Variants in RBPMS observed in about 807,000 individuals in gnomAD.
RBPMS encodes RNA-binding protein with multiple splicing.
A neutral mutation model predicts 26.8 loss-of-function variants in RBPMS; 7 were observed. The ratio of observed to expected loss-of-function variants is 0.26; its 90% CI spans 0.15 to 0.49. RBPMS has a LOEUF of 0.49. RBPMS is among the 20% of genes least tolerant of loss of function. The pLI, the probability that RBPMS is intolerant of heterozygous loss-of-function variation, is 0.98. For synonymous variants in RBPMS, 96 were observed against 93.3 expected, an observed-to-expected ratio of 1.03 and a Z score of -0.17; for missense variants, 186 against 250.0, an observed-to-expected ratio of 0.74 and a Z score of 1.73.
Position 30,560,535 on chromosome 8 carries a change from T to C in RBPMS, c.*7+1579T>C, listed in dbSNP as rs375351674. Reference sequence around the variant, plus strand: ...GGACATCAGCATCAGGAAGCTAAAATTGTATCTACTCTTCCTCTAACCCAA... The same window carrying C: ...GGACATCAGCATCAGGAAGCTAAAACTGTATCTACTCTTCCTCTAACCCAA... On this transcript the variant is annotated intron_variant, in intron 7 of 8. Coordinates refer to ENST00000397323, the MANE Select transcript of RBPMS (RefSeq NM_001008710.3). Among the ~76,000 whole-genome samples the C allele has an allele frequency of 4.6e-5, 7 of 152,296 alleles. No individual in the cohort carries two copies. In the East Asian group the frequency reaches 5.8e-4, roughly 13 times the overall value.
chr8:30,503,780 A>G (rs1820808092), intron 4 of RBPMS, among the ~76,000 whole-genome samples: 1 of 152,066 alleles, frequency 6.6e-6, no homozygotes, highest in South Asian at 2.1e-4. Context: ...CTCTCTTGGG[A>G]TATCTTTTTG....
intron 1 of RBPMS, among the ~76,000 whole-genome samples, chr8:30,388,542 G>T: frequency 1.7e-5 from 1 of 58,196 alleles, no homozygotes; most frequent in Admixed American, 1.8e-4. Flanking sequence ...TATAGCTATA[G>T]CTATAAGCTA....
At chr8:30,447,455 C>G (rs922903754) in intron 1 of RBPMS, among the ~76,000 whole-genome samples, 4 of 152,140 alleles carry the variant, frequency 2.6e-5, no homozygotes, top group Non-Finnish European at 5.9e-5. Flanking sequence ...ATTTTGGATA[C>G]TCATCATTAT....
chr8:30,408,181 T>C (rs138033450), intron 1 of RBPMS, among the ~76,000 whole-genome samples: 17 of 152,270 alleles, frequency 1.1e-4, no homozygotes, highest in African/African-American at 2.9e-4. Flanking sequence ...CAGAACCTCA[T>C]TGGACTCTCC....
At chr8:30,460,881 C>T (rs1471662930) in intron 1 of RBPMS, among the ~76,000 whole-genome samples, 1 of 152,002 alleles carries the variant, frequency 6.6e-6, no homozygotes, top group Non-Finnish European at 1.5e-5. Context: ...TTTTGTATTT[C>T]TCTACCAAAA....
chr8:30,478,477 C>T (rs1305862814), intron 3 of RBPMS, among the ~76,000 whole-genome samples: 1 of 151,592 alleles, frequency 6.6e-6, no homozygotes, highest in Non-Finnish European at 1.5e-5. Context: ...TGTATTTACT[C>T]AGAACAGCCT....
chr8:30,558,847 G>A lies in RBPMS; in HGVS notation c.529-40G>A. 2.6e-6 allele frequency: 4 copies of A among 1,557,640 alleles called. No individual in the cohort carries two copies. In the South Asian group the frequency reaches 4.4e-5, roughly 17 times the overall value. On this transcript the variant is annotated intron_variant, in intron 6 of 8. Transcript: ENST00000397323. Reference sequence around the variant, plus strand: ...CCCTCCGTGAGAATGGGGATATGCTGGGGAGCCCTGGCTCACGGCCTTCTC... The same window carrying A: ...CCCTCCGTGAGAATGGGGATATGCTAGGGAGCCCTGGCTCACGGCCTTCTC...
chr8:30,451,443 C>T (rs1049660920), intron 1 of RBPMS, among the ~76,000 whole-genome samples: 5 of 152,152 alleles, frequency 3.3e-5, no homozygotes, highest in African/African-American at 1.2e-4. Flanking sequence ...TGATACAGGT[C>T]GTGTGAATGT....
chr8:30,427,278 G>GT (rs1811464345), intron 1 of RBPMS, among the ~76,000 whole-genome samples: 1 of 152,174 alleles, frequency 6.6e-6, no homozygotes, highest in African/African-American at 2.4e-5. Context: ...TAACTATAAA[G>GT]GGGACCCTGC....
intron 1 of RBPMS, among the ~76,000 whole-genome samples, chr8:30,444,179 A>T (rs915947756): frequency 1.3e-5 from 2 of 152,224 alleles, no homozygotes; most frequent in Non-Finnish European, 2.9e-5. Context: ...TACAGGTGTG[A>T]GCCACCACAC....
chr8:30,449,369 C>CTT (rs5890522), intron 1 of RBPMS, among the ~76,000 whole-genome samples: 3,110 of 106,426 alleles, frequency 0.029, 228 homozygotes, highest in African/African-American at 0.12. Context: ...CACATCTCCT[C>CTT]TTTTTTTTTT....
intron 5 of RBPMS, among the ~76,000 whole-genome samples, chr8:30,529,847 AG>A (rs1824020322): frequency 6.7e-6 from 1 of 149,802 alleles, no homozygotes; most frequent in Admixed American, 6.7e-5. Flanking sequence ...TTTGCTTTCC[AG>A]GTTCAAGCGA....
At chr8:30,389,061 T>C (rs1563276553) in intron 1 of RBPMS, among the ~76,000 whole-genome samples, 1 of 152,232 alleles carries the variant, frequency 6.6e-6, no homozygotes, top group Non-Finnish European at 1.5e-5. Flanking sequence ...CAGTTTGATG[T>C]GGCAACCTCA....
chr8:30,474,624 AT>A (rs1338978095), intron 1 of RBPMS, among the ~76,000 whole-genome samples, 154 bp from the exon 2 acceptor site: 1 of 152,248 alleles, frequency 6.6e-6, no homozygotes, highest in Admixed American at 6.5e-5. Flanking sequence ...GCTTAGTGGC[AT>A]CTTAACAGTG....
At chr8:30,543,560 CA>C (rs1284060854) in intron 5 of RBPMS, among the ~76,000 whole-genome samples, 4 of 152,202 alleles carry the variant, frequency 2.6e-5, no homozygotes, top group African/African-American at 7.2e-5. Context: ...CAGATTTTGA[CA>C]GGTGATAAAA....
chr8:30,502,090 C>T (rs1414613620), intron 4 of RBPMS, among the ~76,000 whole-genome samples: 6 of 150,534 alleles, frequency 4.0e-5, no homozygotes, highest in Non-Finnish European at 7.4e-5. Flanking sequence ...TCTAAGCCTC[C>T]GGCCTCTGAA....
intron 1 of RBPMS, among the ~76,000 whole-genome samples, chr8:30,438,770 C>CT (rs5890518): frequency 6.6e-6 from 1 of 151,438 alleles, no homozygotes; most frequent in East Asian, 1.9e-4. Context: ...TGCGATCTTA[C>CT]TTTTTTTTTA....
At chr8:30,452,790 C>G (rs16876974) in intron 1 of RBPMS, among the ~76,000 whole-genome samples, 2,607 of 152,286 alleles carry the variant, frequency 0.017, 60 homozygotes, top group African/African-American at 0.058. Context: ...GAGACTGACT[C>G]CTGGCACTTG....
At chr8:30,445,859 T>G (rs1813700549) in intron 1 of RBPMS, among the ~76,000 whole-genome samples, 1 of 151,888 alleles carries the variant, frequency 6.6e-6, no homozygotes, top group Non-Finnish European at 1.5e-5. Context: ...AGATGGGGTT[T>G]CACCATGTTG....
Sources: gnomAD v4.1 joint callset for allele counts (sites outside exome capture counted in the v4.1 genomes callset) on GRCh38, gnomAD v4.1.1 for gene constraint, MANE v1.5 for transcripts, NCBI Gene and HGNC (gene_info 2026-07-23, HGNC 2026-07-21) for gene names.